The following KLC1 variants were observed in gnomAD, a reference collection of about 807,000 sequenced individuals.
KLC1 encodes kinesin 2 60/70kDa.
Under a neutral mutation model 84.2 loss-of-function variants are expected in KLC1, and 30 were observed. That is an observed-to-expected ratio of 0.36 (90% CI 0.27 to 0.48). KLC1 has a LOEUF of 0.48. KLC1 is among the 20% of genes least tolerant of loss of function. The pLI is 0.99. For missense variants in KLC1, 499 were observed against 805.4 expected (o/e 0.62, Z 4.60); for synonymous variants, 289 against 293.3 (o/e 0.99, Z 0.15).
chr14:103,677,764 G>A (rs2081024205), intron 12 of KLC1, among the ~76,000 whole-genome samples: 1 of 152,100 alleles, frequency 6.6e-6, no homozygotes, highest in African/African-American at 2.4e-5. Flanking sequence ...TTCAAGACCA[G>A]CCTGGCCAAC....
At chr14:103,700,298 G>C (rs1439480334) in intron 15 of KLC1, 1 of 251,424 alleles carries the variant, frequency 4.0e-6, no homozygotes, top group Admixed American at 5.3e-5. Context: ...TCCCAGGAGA[G>C]CTTCCAGGGG....
chr14:103,657,455 C>A, intron 2 of KLC1, 91 bp from the exon 3 acceptor site: 1 of 928,370 alleles, frequency 1.1e-6, no homozygotes, highest in Non-Finnish European at 1.7e-6. Context: ...CGAGTGTAAG[C>A]TACAGCCCCA....
chr14:103,700,377 G>C, intron 15 of KLC1: 1 of 404,052 alleles, frequency 2.5e-6, no homozygotes, highest in Non-Finnish European at 4.4e-6. Flanking sequence ...GTGGGTGCCA[G>C]AGCCATTGGC....
intron 1 of KLC1, among the ~76,000 whole-genome samples, chr14:103,642,354 G>A (rs569822053): frequency 1.3e-5 from 2 of 152,274 alleles, no homozygotes; most frequent in African/African-American, 4.8e-5. Context: ...ATGTGAATTG[G>A]GGTGGGGGGC....
chr14:103,656,417 A>G (rs1670281662), intron 2 of KLC1, among the ~76,000 whole-genome samples: 1 of 152,226 alleles, frequency 6.6e-6, no homozygotes, highest in Non-Finnish European at 1.5e-5. Flanking sequence ...CTAGGTTTTT[A>G]AATACTCTCT....
intron 1 of KLC1, among the ~76,000 whole-genome samples, chr14:103,650,499 A>C (rs1411810752): frequency 6.6e-6 from 1 of 152,082 alleles, no homozygotes; most frequent in African/African-American, 2.4e-5. Flanking sequence ...AAAATGTTTG[A>C]GTCAACTTAG....
chr14:103,642,960 G>A (rs2077606212), intron 1 of KLC1, among the ~76,000 whole-genome samples: 5 of 151,778 alleles, frequency 3.3e-5, no homozygotes, highest in Admixed American at 1.3e-4. Flanking sequence ...TAGTAGAGAC[G>A]GGGTTTCACC....
In KLC1 at chr14:103,692,417, C is replaced by A. The variant is rs759422899; in HGVS notation, c.1840C>A (p.Arg614Ser). The part of the protein sequence containing the change: ...LNVGGKAAED[R>S]FQGVSGRASF... Reference sequence around the variant, plus strand: ...CGTGGGTGGCAAGGCTGCTGAAGATCGCTTTCAAGTAAGGAGCCTACCCCG... The same window carrying A: ...CGTGGGTGGCAAGGCTGCTGAAGATAGCTTTCAAGTAAGGAGCCTACCCCG... The change falls in exon 15 of 17, where the codon CGC becomes AGC. Residue 614 changes from arginine (R) to serine (S), a missense_variant. Arg to Ser is a moderately radical substitution (Grantham distance 110, BLOSUM62 -1). Coordinates refer to ENST00000334553, the MANE Select transcript of KLC1 (RefSeq NM_001394837.1). 4 of 1,536,472 alleles carry A rather than the reference C, an allele frequency of 2.6e-6. No homozygotes were observed. The highest frequency in any genetic ancestry group is 1.4e-5 in the African/African-American group (1 of 73,040).
At chr14:103,647,105 C>T (rs2078001331) in intron 1 of KLC1, among the ~76,000 whole-genome samples, 1 of 152,166 alleles carries the variant, frequency 6.6e-6, no homozygotes, top group Non-Finnish European at 1.5e-5. Context: ...CCTTACCTGT[C>T]AAGTAGGATG....
At chr14:103,696,620 C>CCGT in intron 15 of KLC1, 1 of 985,508 alleles carries the variant, frequency 1.0e-6, no homozygotes. Flanking sequence ...CCAGCTCTGA[C>CCGT]CGTGTCTTGC....
chr14:103,671,350 A>G (rs1270754821), intron 7 of KLC1, among the ~76,000 whole-genome samples: 1 of 151,692 alleles, frequency 6.6e-6, no homozygotes, highest in African/African-American at 2.4e-5. Flanking sequence ...TATTGGGTCT[A>G]TCCGATGAGT....
chr14:103,659,222 C>T (rs1037733558), intron 3 of KLC1, among the ~76,000 whole-genome samples: 2 of 152,200 alleles, frequency 1.3e-5, no homozygotes, highest in Admixed American at 6.5e-5. Context: ...GCCTCGGCCT[C>T]CCAAAGTGCT....
intron 1 of KLC1, among the ~76,000 whole-genome samples, chr14:103,634,108 A>T (rs978569233): frequency 1.3e-5 from 2 of 152,096 alleles, no homozygotes; most frequent in African/African-American, 4.8e-5. Flanking sequence ...ACCTTAAGTG[A>T]TCCACCTGCC....
intron 1 of KLC1, among the ~76,000 whole-genome samples, chr14:103,648,175 T>C (rs2078103353): frequency 6.6e-6 from 1 of 152,060 alleles, no homozygotes; most frequent in African/African-American, 2.4e-5. Context: ...GGTCTCAATC[T>C]CTTGACCTCG....
At chr14:103,669,437 AAAAAG>A (rs57555596) in intron 5 of KLC1, 69 bp from the exon 6 acceptor site, 8,873 of 857,686 alleles carry the variant, frequency 0.01, 77 homozygotes, top group East Asian at 0.02. Context: ...CTGTCTAAAA[AAAAAG>A]AAAAGAAAAG....
intron 13 of KLC1, chr14:103,685,658 C>CA (rs2151818161): frequency 7.8e-7 from 1 of 1,289,512 alleles, no homozygotes; most frequent in Non-Finnish European, 1.0e-6. Context: ...CCGTGACTCT[C>CA]ACACTGTCTC....
intron 13 of KLC1, chr14:103,685,945 G>C (rs1355207944): frequency 2.7e-6 from 3 of 1,123,886 alleles, no homozygotes; most frequent in Non-Finnish European, 3.3e-6. Flanking sequence ...TTTGGTAACA[G>C]GTAGTTAAGT....
rs559328484 is a variant in KLC1 at position 103,693,412 on chromosome 14, A to G, written c.1848+987A>G. 19 of 1,304,696 alleles carry G rather than the reference A, an allele frequency of 1.5e-5. No homozygotes were observed. In the African/African-American group the frequency reaches 2.2e-4, roughly 15 times the overall value. The allele number at this position is 1,304,696 out of a possible 1,614,324, so 80.8% of individuals were successfully genotyped here. A position where few individuals can be genotyped will look rare whatever the true frequency, so the allele number is the denominator to read the frequency against. On this transcript the variant is annotated intron_variant, in intron 15 of 16. Transcript: ENST00000334553. The surrounding 1 kb of genome is among the most constrained non-coding windows in gnomAD (Gnocchi z 5.1). Reference sequence around the variant, plus strand: ...CCCTCCAGTTTCTTGGAGTTTCTACATGCACATTGACCCCTGGGCCTCTCG... The same window carrying G: ...CCCTCCAGTTTCTTGGAGTTTCTACGTGCACATTGACCCCTGGGCCTCTCG...
In KLC1 at chr14:103,693,491, T is replaced by C. The variant is rs1469335141; in HGVS notation, c.1848+1066T>C. The C allele has an allele frequency of 5.9e-6, 9 of 1,534,320 alleles. No individual in the cohort carries two copies. The highest frequency in any genetic ancestry group is 7.9e-6 in the Non-Finnish European group (9 of 1,146,032). On this transcript the variant is annotated intron_variant, in intron 15 of 16. Transcript: ENST00000334553. This position sits in a 1 kb window ranked among gnomAD's most constrained non-coding sequence, Gnocchi z 5.1. The stretch of plus-strand genomic sequence containing the variant: ...TGGTACTGTTAGGCCTGAGGCCATT[T>C]GAAGCTGGCATCATTTGAAGTCCTG...
Sources: gnomAD v4.1 joint callset for allele counts (sites outside exome capture counted in the v4.1 genomes callset) on GRCh38, gnomAD v4.1.1 for gene constraint, Gnocchi (gnomAD v3.1) non-coding constraint, MANE v1.5 for transcripts, NCBI Gene and HGNC (gene_info 2026-07-23, HGNC 2026-07-21) for gene names.